Variants in CYREN observed in about 807,000 individuals in gnomAD.
CYREN encodes the protein cell cycle regulator of non-homologous end joining.
A neutral mutation model predicts 9.7 loss-of-function variants in CYREN; 7 were observed. That is an observed-to-expected ratio of 0.72 (90% CI 0.41 to 1.36). The LOEUF (loss-of-function observed/expected upper bound fraction) is 1.36. Ranked by LOEUF, CYREN falls within the 40% of genes most tolerant of loss-of-function variation. The pLI is 0.01. For synonymous variants in CYREN, 76 were observed against 77.9 expected, an observed-to-expected ratio of 0.98 and a Z score of 0.13; for missense variants, 215 against 198.1, an observed-to-expected ratio of 1.09 and a Z score of -0.51.
At chr7:135,129,633 C>G (rs1828446901) in intron 2 of CYREN, 1 of 779,208 alleles carries the variant, frequency 1.3e-6, no homozygotes, top group East Asian at 2.4e-5. Context: ...ATGTCTTAAA[C>G]AGCTGTTTTA....
intron 2 of CYREN, among the ~76,000 whole-genome samples, chr7:135,146,220 TGGTCAGAACACAC>T (rs879350695): frequency 2.0e-5 from 3 of 151,860 alleles, no homozygotes; most frequent in Admixed American, 2.0e-4. Context: ...GTTGGTGGAG[TGGTCAGAACACAC>T]GGTCAGAACA....
intron 2 of CYREN, among the ~76,000 whole-genome samples, chr7:135,145,064 T>TTA (rs1251146718): frequency 6.6e-6 from 1 of 151,526 alleles, no homozygotes; most frequent in African/African-American, 2.4e-5. Flanking sequence ...CCAAAATAAT[T>TTA]TATTTTTTAA....
At chr7:135,165,011 A>T (rs368287615), downstream of CYREN, 3 of 1,561,288 alleles carry the variant, frequency 1.9e-6, no homozygotes, top group East Asian at 2.3e-5. Flanking sequence ...GGCTTACGTG[A>T]TTGCAAGGGT....
chr7:135,167,619 G>A (rs771769102), intron 3 of CYREN, 113 bp downstream of exon 3: 118 of 1,515,306 alleles, frequency 7.8e-5, no homozygotes, highest in Non-Finnish European at 1.0e-4. Flanking sequence ...GTGGCAGGAG[G>A]AAGAAGAGGT....
chr7:135,132,510 A>C (rs1270021466), intron 2 of CYREN, among the ~76,000 whole-genome samples: 1 of 152,168 alleles, frequency 6.6e-6, no homozygotes, highest in Non-Finnish European at 1.5e-5. Context: ...AATAAAGGGG[A>C]TCTTACTCAA....
In CYREN at chr7:135,168,846, A is replaced by C. The variant is rs1290032847; in HGVS notation, c.77T>G (p.Val26Gly). Reference protein sequence around the residue: ...WLTAQVATKNVAPMKAPKRMR... With the variant: ...WLTAQVATKNGAPMKAPKRMR... Reference sequence around the variant, plus strand: ...CCTCTTGGGGGCCTTCATTGGTGCCACATTCTTTGTAGCCACCTGGGCTGT... The same window carrying C: ...CCTCTTGGGGGCCTTCATTGGTGCCCCATTCTTTGTAGCCACCTGGGCTGT... The change falls in exon 2 of 4, where the codon GTG becomes GGG. Residue 26 changes from valine to glycine, a missense_variant. Val to Gly is a moderately radical substitution (Grantham distance 109, BLOSUM62 -3). Transcript: ENST00000393114. 6 of 1,614,082 alleles carry C rather than the reference A, an allele frequency of 3.7e-6. No individual in the cohort carries two copies. The highest frequency in any genetic ancestry group is 5.1e-6 in the Non-Finnish European group (6 of 1,179,978).
At chr7:135,117,729 T>C (rs1826529066) in intron 2 of CYREN, among the ~76,000 whole-genome samples, 1 of 152,222 alleles carries the variant, frequency 6.6e-6, no homozygotes. Flanking sequence ...TTTCCTACTT[T>C]TTAATATTTC....
chr7:135,110,296 C>T (rs1825435482), intron 2 of CYREN, among the ~76,000 whole-genome samples: 1 of 152,206 alleles, frequency 6.6e-6, no homozygotes, highest in Non-Finnish European at 1.5e-5. Context: ...TGCTCAGCCC[C>T]CTGGATTCAG....
chr7:135,128,857 T>C (rs1585283888), intron 2 of CYREN: 1 of 1,240,764 alleles, frequency 8.1e-7, no homozygotes, highest in East Asian at 2.3e-5. Context: ...TTGTTAAATA[T>C]GATCCAGGAA....
At chr7:135,152,824 ATGTTT>A (rs1384099921) in intron 2 of CYREN, 2 of 152,202 alleles carry the variant, frequency 1.3e-5, no homozygotes, top group African/African-American at 4.8e-5. Context: ...AAAGTGTGTA[ATGTTT>A]AACAGCAGCA....
At chr7:135,103,580 T>C (rs1824189579) in intron 2 of CYREN, among the ~76,000 whole-genome samples, 1 of 152,230 alleles carries the variant, frequency 6.6e-6, no homozygotes, top group South Asian at 2.1e-4. Flanking sequence ...TTCTGACATA[T>C]GGAAACCCAT....
chr7:135,142,343 C>A (rs1829467597), intron 2 of CYREN, among the ~76,000 whole-genome samples: 1 of 152,052 alleles, frequency 6.6e-6, no homozygotes, highest in African/African-American at 2.4e-5. Flanking sequence ...TTAATAGTTT[C>A]TTTAGTTACT....
At chr7:135,128,529 T>C (rs1379634386) in intron 2 of CYREN, 1 of 764,304 alleles carries the variant, frequency 1.3e-6, no homozygotes, top group East Asian at 2.5e-5. Context: ...AAGCAGTCTG[T>C]CCAAGGTGGA....
rs292504 is a variant in CYREN at position 135,166,241 on chromosome 7, A to T, written c.*370T>A. 4.3e-3 allele frequency: 791 copies of T among 183,760 alleles called. 4 individuals are homozygous for T. The highest frequency in any genetic ancestry group is 6.4e-3 in the Non-Finnish European group (575 of 89,324). 11.4% of individuals were successfully genotyped at this position (183,760 alleles called of 1,614,324 possible). On this transcript the variant is annotated 3_prime_UTR_variant, in exon 4 of 4. Coordinates refer to ENST00000393114, the MANE Select transcript of CYREN (RefSeq NM_024033.4). ...CCTGGCAGTGATCCTTTTCTTTGCA[A>T]AGTACTGTCTCTTTGGTTCCAGTAA... is the stretch of plus-strand genomic sequence containing the variant.
intron 2 of CYREN, among the ~76,000 whole-genome samples, chr7:135,159,636 C>T (rs547491071): frequency 1.3e-5 from 2 of 152,320 alleles, no homozygotes; most frequent in Admixed American, 6.5e-5. Flanking sequence ...AAGCATTATA[C>T]TTTACTGTCA....
rs187817408 is a variant in CYREN, at chr7:135,146,309, G to A, written n.356+22440C>T. ...ATTAAGTTCACCGTCATATGGGTGC[G>A]GTTCATGGCACCCCAAAACAATCAC... On this transcript the variant is annotated intron_variant and non_coding_transcript_variant, in intron 2 of 2. Coordinates refer to the CYREN transcript ENST00000459937. Among the ~76,000 whole-genome samples, 18 of 152,150 alleles carry A rather than the reference G, an allele frequency of 1.2e-4. No individual in the cohort carries two copies. In the East Asian group the frequency reaches 2.3e-3, roughly 20 times the overall value.
exon 3 of CYREN, chr7:135,093,580 C>T (rs1443847777): frequency 6.6e-6 from 1 of 151,982 alleles, no homozygotes; most frequent in East Asian, 1.9e-4. Flanking sequence ...AAACTGAAAA[C>T]TACAAAAAAC....
intron 2 of CYREN, among the ~76,000 whole-genome samples, chr7:135,134,323 A>T (rs1370646512): frequency 1.3e-5 from 2 of 152,156 alleles, no homozygotes; most frequent in African/African-American, 4.8e-5. Context: ...ATGGTTAAAA[A>T]ATGGAATGCT....
downstream of CYREN, among the ~76,000 whole-genome samples, chr7:135,163,415 G>C (rs1050904059): frequency 1.3e-5 from 2 of 152,160 alleles, no homozygotes; most frequent in Non-Finnish European, 2.9e-5. Flanking sequence ...GCCAAGGTGG[G>C]TGGATCATTT....
Sources: gnomAD v4.1 joint callset for allele counts (sites outside exome capture counted in the v4.1 genomes callset) on GRCh38, gnomAD v4.1.1 for gene constraint, MANE v1.5 for transcripts, NCBI Gene and HGNC (gene_info 2026-07-23, HGNC 2026-07-21) for gene names.